Variants in NREP observed in about 807,000 individuals in gnomAD.
NREP encodes neuronal regeneration related protein.
In NREP, 5 loss-of-function variants were observed where a neutral mutation model predicts 8.6. That is an observed-to-expected ratio of 0.58 (90% CI 0.30 to 1.22). NREP has a LOEUF of 1.22. NREP is among the 50% of genes most tolerant of loss of function. NREP has a pLI of 0.07. For missense variants in NREP, 86 were observed against 82.5 expected (o/e 1.04, Z -0.17); for synonymous variants, 27 against 28.0 (o/e 0.96, Z 0.11).
rs1303677206 is a variant in NREP at position 111,735,234 on chromosome 5, G to C, written c.81+196C>G. On this transcript the variant is annotated intron_variant, in intron 3 of 3. Coordinates refer to ENST00000257435, the MANE Select transcript of NREP (RefSeq NM_004772.4). ...TGAAAATTTTTCATTTATGAAGGAA[G>C]ATAATGTGAACTTTAAGTCATAGGA... 9.1e-6 allele frequency: 4 copies of C among 441,734 alleles called. No individual in the cohort carries two copies. In the East Asian group the frequency reaches 1.4e-4, roughly 16 times the overall value. 27.4% of individuals were successfully genotyped at this position (441,734 alleles called of 1,614,324 possible).
intron 2 of NREP, among the ~76,000 whole-genome samples, chr5:111,764,719 T>C (rs905637583): frequency 2.6e-5 from 4 of 152,126 alleles, no homozygotes; most frequent in African/African-American, 4.8e-5. Context: ...ATAAGGAGGT[T>C]TTTCTTTTCA....
At chr5:111,800,067 C>A (rs554330982) in intron 2 of NREP, among the ~76,000 whole-genome samples, 6 of 150,990 alleles carry the variant, frequency 4.0e-5, no homozygotes, top group South Asian at 2.1e-4. Flanking sequence ...CTATAGGTGC[C>A]CACCACCACG....
At chr5:111,942,231 A>G (rs1470652163) in intron 2 of NREP, among the ~76,000 whole-genome samples, 1 of 152,096 alleles carries the variant, frequency 6.6e-6, no homozygotes, top group Non-Finnish European at 1.5e-5. Flanking sequence ...TAAAATGTTT[A>G]TATTTTTTAA....
Position 111,920,194 on chromosome 5 carries a change from T to C in NREP, c.135+55080A>G, listed in dbSNP as rs539140940. ...AATTGCCTTTCCCTGGTGCCTGCAA[T>C]CAATTATCACTTTAGTGTGACAACT... On this transcript the variant is annotated intron_variant, in intron 2 of 3. Transcript: ENST00000395634. Among the ~76,000 whole-genome samples, 23 of 152,282 alleles carry C rather than the reference T, an allele frequency of 1.5e-4. 1 individual carries two copies. The East Asian group carries it at 4.3e-3, about 28-fold the overall frequency.
chr5:111,886,223 G>GCC lies in NREP; in HGVS notation c.135+89050_135+89051insGG, dbSNP rs1561710784. On this transcript the variant is annotated intron_variant, in intron 2 of 3. Transcript: ENST00000395634. ...GCAGCCAAAAACCACATGAAAAAAT[G>GCC]CTCACCATCACTGGCCATCAAAGAA... Among the ~76,000 whole-genome samples the GCC allele has an allele frequency of 2.0e-5, 3 of 152,336 alleles. No individual in the cohort carries two copies. In the East Asian group the frequency reaches 5.8e-4, roughly 29 times the overall value.
chr5:111,944,245 C>T (rs1413847659), intron 2 of NREP, among the ~76,000 whole-genome samples: 1 of 151,998 alleles, frequency 6.6e-6, no homozygotes, highest in Non-Finnish European at 1.5e-5. Context: ...TAGGTTTCTT[C>T]CTACTTTTCG....
intron 2 of NREP, among the ~76,000 whole-genome samples, chr5:111,887,520 G>A (rs1436221095): frequency 6.6e-6 from 1 of 152,184 alleles, no homozygotes; most frequent in Non-Finnish European, 1.5e-5. Flanking sequence ...TTTGGAGAAG[G>A]CAGAGTGGGC....
At chr5:111,871,254 G>A (rs1043175893) in intron 2 of NREP, among the ~76,000 whole-genome samples, 3 of 152,246 alleles carry the variant, frequency 2.0e-5, no homozygotes, top group East Asian at 3.9e-4. Context: ...CCTGTACAAC[G>A]TGTTACTGCA....
At chr5:111,975,522 G>A (rs913014188) in intron 1 of NREP, 1 of 623,922 alleles carries the variant, frequency 1.6e-6, no homozygotes, top group Non-Finnish European at 2.8e-6. Context: ...CAGGGTATAG[G>A]ATCAGTTTAT....
At chr5:111,751,443 A>C (rs1430363115) in intron 2 of NREP, among the ~76,000 whole-genome samples, 2 of 152,206 alleles carry the variant, frequency 1.3e-5, no homozygotes, top group Non-Finnish European at 2.9e-5. Context: ...CCTAGGTACA[A>C]AATATATTCA....
chr5:111,853,565 A>G (rs1270491400), intron 2 of NREP, among the ~76,000 whole-genome samples: 1 of 152,156 alleles, frequency 6.6e-6, no homozygotes, highest in East Asian at 1.9e-4. Flanking sequence ...AGTCAACTCA[A>G]TTACAAAAAA....
At chr5:111,744,716 G>GAT (rs1475978806) in intron 2 of NREP, among the ~76,000 whole-genome samples, 1 of 152,116 alleles carries the variant, frequency 6.6e-6, no homozygotes, top group Non-Finnish European at 1.5e-5. Flanking sequence ...AACCCAAACA[G>GAT]ATGTGTTTCA....
At chr5:111,762,574 G>C (rs1750985621), upstream of NREP, among the ~76,000 whole-genome samples, 1 of 151,956 alleles carries the variant, frequency 6.6e-6, no homozygotes, top group African/African-American at 2.4e-5. Flanking sequence ...CATATGGTCG[G>C]GCTCTAACCT....
chr5:111,881,393 G>T (rs1279494590), intron 2 of NREP, among the ~76,000 whole-genome samples: 1 of 152,194 alleles, frequency 6.6e-6, no homozygotes, highest in Non-Finnish European at 1.5e-5. Flanking sequence ...TTCACCTCTG[G>T]GGGGCAGGGC....
intron 2 of NREP, among the ~76,000 whole-genome samples, chr5:111,736,483 T>A (rs1749128834): frequency 6.6e-6 from 1 of 152,062 alleles, no homozygotes; most frequent in East Asian, 1.9e-4. Context: ...CAATTAAGAG[T>A]CACACCTCAT....
chr5:111,731,823 G>C (rs1748613856), intron 3 of NREP: 2 of 152,322 alleles, frequency 1.3e-5, no homozygotes, highest in African/African-American at 4.8e-5. Context: ...CCGCCACGTG[G>C]CTTCCCGGAC....
intron 2 of NREP, among the ~76,000 whole-genome samples, chr5:111,959,361 G>T (rs557356756): frequency 1.3e-5 from 2 of 151,932 alleles, no homozygotes; most frequent in Admixed American, 6.6e-5. Flanking sequence ...AGCCTCTGGG[G>T]GCTGATGTTC....
intron 2 of NREP, among the ~76,000 whole-genome samples, chr5:111,956,985 A>AAATC (rs1756341362): frequency 6.6e-6 from 1 of 151,174 alleles, no homozygotes; most frequent in African/African-American, 2.4e-5. Flanking sequence ...ATAAATAAAT[A>AAATC]AATAAATAAA....
chr5:111,763,274 G>C (rs534739747), intron 2 of NREP, among the ~76,000 whole-genome samples: 1 of 152,306 alleles, frequency 6.6e-6, no homozygotes, highest in East Asian at 1.9e-4. Context: ...CTGACAATGA[G>C]AGGAGGAAAA....
Sources: gnomAD v4.1 joint callset for allele counts (sites outside exome capture counted in the v4.1 genomes callset) on GRCh38, gnomAD v4.1.1 for gene constraint, MANE v1.5 for transcripts, NCBI Gene and HGNC (gene_info 2026-07-23, HGNC 2026-07-21) for gene names.